FBN3: variants seen among roughly 807,000 people sequenced by gnomAD.
The protein encoded by FBN3 is fibrillin 3.
In FBN3, 234 loss-of-function variants were observed where a neutral mutation model predicts 330.1. That is an observed-to-expected ratio of 0.71 (90% CI 0.64 to 0.79). The LOEUF (loss-of-function observed/expected upper bound fraction) is 0.79, where lower values mean the gene tolerates loss of function less well. Among genes scored for constraint, FBN3 ranks in the 30% least tolerant of loss-of-function variants. The pLI is 0.00. For synonymous variants in FBN3, 1,458 were observed against 1,517.3 expected (o/e 0.96, Z 0.91); for missense variants, 3,606 against 3,886.9 (o/e 0.93, Z 1.92).
intron 40 of FBN3, among the ~76,000 whole-genome samples, chr19:8,102,242 T>G (rs2082343540): frequency 1.3e-5 from 2 of 150,588 alleles, no homozygotes; most frequent in Non-Finnish European, 3.0e-5. Context: ...TGAGATGGAG[T>G]CTTGCTCTGT....
intron 59 of FBN3, among the ~76,000 whole-genome samples, chr19:8,076,953 C>T (rs747592714): frequency 2.0e-5 from 3 of 152,040 alleles, no homozygotes; most frequent in Non-Finnish European, 4.4e-5. Flanking sequence ...GTGGGGACTA[C>T]GTTGTCCACT....
chr19:8,123,701 A>G (rs2082909045), intron 23 of FBN3, 83 bp downstream of exon 23: 3 of 1,591,864 alleles, frequency 1.9e-6, no homozygotes, highest in Admixed American at 1.7e-5. Context: ...TTTTCCCCCA[A>G]ACACACTTCC....
intron 22 of FBN3, among the ~76,000 whole-genome samples, chr19:8,124,645 C>T (rs1303665928): frequency 3.3e-5 from 5 of 151,780 alleles, no homozygotes; most frequent in African/African-American, 4.8e-5. Flanking sequence ...TCAAGCGATT[C>T]TCCTGCCTCA....
At chr19:8,135,936 G>GGGGGGGGGGGGGGGGCGCCCCC in intron 13 of FBN3, 25 bp downstream of exon 13, 3 of 668,778 alleles carry the variant, frequency 4.5e-6, no homozygotes, top group Middle Eastern at 4.8e-4. Context: ...GGAAGCCCCT[G>GGGGGGGGGGGGGGGGCGCCCCC]CCCACCCGCC....
chr19:8,083,449 C>G, intron 56 of FBN3, 77 bp from the exon 57 acceptor site: 1 of 1,553,524 alleles, frequency 6.4e-7, no homozygotes, highest in Non-Finnish European at 8.8e-7. Flanking sequence ...TTCTCTCTGC[C>G]CAGCAGCCGT....
rs75309766 is a variant in FBN3 at position 8,136,622 on chromosome 19, C to A, written c.1202-91G>T. On this transcript the variant is annotated intron_variant, in intron 10 of 63. Coordinates refer to ENST00000600128, the MANE Select transcript of FBN3 (RefSeq NM_032447.5). ...TTCACCTCTCTAGGCCCAGATACCC[C>A]CTCTAAGGCTGGGACCCTGCCCTGG... is the stretch of plus-strand genomic sequence containing the variant. The A allele has an allele frequency of 5.7e-4, 886 of 1,543,384 alleles. 3 individuals are homozygous for A. In the African/African-American group the frequency reaches 0.01, roughly 18 times the overall value.
Position 8,135,959 on chromosome 19 carries a change from A to ACCCCCC in FBN3, c.1591+1_1591+2insGGGGGG. 6.4e-6 allele frequency: 1 copy of ACCCCCC among 157,446 alleles called. No homozygotes were observed. The highest frequency in any genetic ancestry group is 1.1e-5 in the Non-Finnish European group (1 of 88,128). 9.8% of individuals were successfully genotyped at this position (157,446 alleles called of 1,614,324 possible). A position where few individuals can be genotyped will look rare whatever the true frequency, so the allele number is the denominator to read the frequency against. On this transcript the variant is annotated splice_donor_variant, in intron 13 of 63. Transcript: ENST00000600128. LOFTEE classifies it high-confidence loss of function. The stretch of plus-strand genomic sequence containing the variant: ...CTGCCCACCCGCCCACCCCCAACTC[A>ACCCCCC]CCCACACAGTTCTTGCCGTCAGGGC...
chr19:8,083,752 C>G (rs1030449336), intron 56 of FBN3, among the ~76,000 whole-genome samples: 3 of 151,884 alleles, frequency 2.0e-5, no homozygotes, highest in African/African-American at 7.2e-5. Context: ...TCCCGAGTCT[C>G]CCCCCAGCCA....
chr19:8,129,323 C>G lies in FBN3; in HGVS notation c.2087G>C (p.Gly696Ala). The change falls in exon 17 of 64, where the codon GGC becomes GCC. Residue 696 changes from glycine to alanine, a missense_variant. By Grantham distance (60) the Gly-to-Ala change is moderately conservative. Transcript: ENST00000600128. This position sits in a 1 kb window ranked among gnomAD's most constrained non-coding sequence, Gnocchi z 4.5. The part of the protein sequence containing the change: ...CALDPEVCAN[G>A]VCENLRGSYR... ...GCTGCCCCGAAGGTTCTCGCACACG[C>G]CATTGGCACAAACCTCAGGATCCAG... 1 of 1,614,150 alleles carries G rather than the reference C, an allele frequency of 6.2e-7. No homozygotes were observed. The highest frequency in any genetic ancestry group is 8.5e-7 in the Non-Finnish European group (1 of 1,180,024).
At position 8,116,739 on chromosome 19, in the gene FBN3, G is replaced by C; in HGVS notation, c.3647C>G (p.Pro1216Arg). 2 of 1,614,038 alleles carry C rather than the reference G, an allele frequency of 1.2e-6. No individual in the cohort carries two copies. The highest frequency in any genetic ancestry group is 1.1e-5 in the South Asian group (1 of 91,070). ...ATAGCACAGGCAGCGGTGACCCCCT[G>C]GCATGTTGGTGCAGTGGCCTTGGTC... ...VCDQGHCTNM[P>R]GGHRCLCYDG... The change falls in exon 29 of 64, where the codon CCA becomes CGA. Residue 1216 changes from proline to arginine, a missense_variant. Coordinates refer to ENST00000600128, the MANE Select transcript of FBN3 (RefSeq NM_032447.5).
chr19:8,144,417 G>A (rs1599453536), intron 6 of FBN3, among the ~76,000 whole-genome samples: 3 of 151,626 alleles, frequency 2.0e-5, no homozygotes, highest in South Asian at 2.1e-4. Flanking sequence ...GAATTAGGGT[G>A]CAATAAAGAG....
In FBN3 at chr19:8,143,530, T is replaced by G. The variant is rs1242119986; in HGVS notation, c.541+1347A>C. ...TTTTTTTTTTGAGACAGGGTTTCGC[T>G]CTGTCTTCCAGGCTGGAGTACAGTG... is the stretch of plus-strand genomic sequence containing the variant. On this transcript the variant is annotated intron_variant, in intron 6 of 63. Coordinates refer to ENST00000600128, the MANE Select transcript of FBN3 (RefSeq NM_032447.5). Among the ~76,000 whole-genome samples, 3 of 147,826 alleles carry G rather than the reference T, an allele frequency of 2.0e-5. No homozygotes were observed. In the East Asian group the frequency reaches 5.9e-4, roughly 29 times the overall value.
chr19:8,128,990 G>A, intron 18 of FBN3, 38 bp downstream of exon 18: 2 of 1,589,612 alleles, frequency 1.3e-6, no homozygotes, highest in African/African-American at 1.3e-5. Flanking sequence ...TGGAGCATAT[G>A]TGTGTGTGCA....
rs977471262 is a variant in FBN3, at chr19:8,091,513, G to C, written c.5983C>G (p.Leu1995Val). The C allele has an allele frequency of 6.2e-7, 1 of 1,614,130 alleles. No individual in the cohort carries two copies. Among genetic ancestry groups the C allele is most frequent in the Admixed American group, 1.7e-5 (1 of 60,008 alleles). ...GAGAGGACAAAGCCAGGTGGGCAGA[G>C]GCACTGGAAGCTCCCAGGGCTGTTG... is the stretch of plus-strand genomic sequence containing the variant. ...CTNSPGSFQCLCPPGFVLSDN... is the reference protein window; with the variant it reads ...CTNSPGSFQCVCPPGFVLSDN... Residue 1995 changes from leucine (L) to valine (V), a missense_variant, in exon 48 of 64, where the codon CTC (leucine) becomes GTC (valine). Physicochemically the swap from Leu to Val is conservative, Grantham distance 32. Transcript: ENST00000600128.
Position 8,107,408 on chromosome 19 carries a change from G to A in FBN3, c.4687+762C>T, listed in dbSNP as rs371692831. On this transcript the variant is annotated intron_variant, in intron 37 of 63. Coordinates refer to ENST00000600128, the MANE Select transcript of FBN3 (RefSeq NM_032447.5). The stretch of plus-strand genomic sequence containing the variant: ...TGGGTAGATGGAGAATGGTTGGATG[G>A]GTGGAAGGATGAATGGATGAAAGGA... 6.6e-5 allele frequency among the ~76,000 whole-genome samples: 10 copies of A among 151,556 alleles called. No individual in the cohort carries two copies. In the South Asian group the frequency reaches 2.1e-3, roughly 32 times the overall value.
At chr19:8,103,518 C>A in intron 39 of FBN3, 44 bp downstream of exon 39, 2 of 1,598,010 alleles carry the variant, frequency 1.3e-6, no homozygotes, top group Middle Eastern at 1.7e-4. Context: ...TGCCCAGGTG[C>A]TGCTTCTGTG....
intron 13 of FBN3, among the ~76,000 whole-genome samples, chr19:8,134,253 A>ATTAATTAAT (rs111296269): frequency 3.8e-4 from 57 of 148,998 alleles, no homozygotes; most frequent in South Asian, 1.7e-3. Context: ...AAATAAATAA[A>ATTAATTAAT]TAAATAAAAT....
At chr19:8,106,784 T>C (rs1473101896) in intron 37 of FBN3, among the ~76,000 whole-genome samples, 5 of 148,452 alleles carry the variant, frequency 3.4e-5, no homozygotes, top group Admixed American at 1.3e-4. Context: ...AGAAGATGGA[T>C]GGAAGGGTGG....
In FBN3 at chr19:8,085,388, G is replaced by T; in HGVS notation, c.7062C>A (p.Gly2354=). 1 of 1,581,188 alleles carries T rather than the reference G, an allele frequency of 6.3e-7. No individual in the cohort carries two copies. The highest frequency in any genetic ancestry group is 1.9e-5 in the Admixed American group (1 of 52,962). Residue 2354 remains glycine, a synonymous_variant, in exon 56 of 64, where the codon GGC becomes GGA. Coordinates refer to ENST00000600128, the MANE Select transcript of FBN3 (RefSeq NM_032447.5). ...CTCGGCCCTCAGCAGTGTAGCCTGA[G>T]CCATGGGGGCACAGCTTCCTGTAGG... is the stretch of plus-strand genomic sequence containing the variant. The part of the protein sequence containing the change: ...TSAYRKLCPH[G]SGYTAEGRDV...
Sources: allele counts gnomAD v4.1 joint callset (sites outside exome capture counted in the v4.1 genomes callset), GRCh38; gene constraint gnomAD v4.1.1; non-coding constraint Gnocchi (gnomAD v3.1); transcripts MANE v1.5; gene names NCBI Gene and HGNC (gene_info 2026-07-23, HGNC 2026-07-21).